Variants in CCDC82 observed in about 807,000 individuals in gnomAD.
CCDC82 encodes the protein coiled-coil domain containing 82.
CCDC82 carries 47 observed loss-of-function variants against 60.6 expected under a neutral mutation model. The observed-to-expected ratio is 0.77, with a 90% CI of 0.61 to 0.99. The LOEUF is 0.99. Ranked by LOEUF, CCDC82 falls within the 50% of genes least tolerant of loss-of-function variation. The pLI is 0.00. For missense variants in CCDC82, 588 were observed against 633.0 expected (o/e 0.93, Z 0.76); for synonymous variants, 212 against 207.4 (o/e 1.02, Z -0.19).
intron 5 of CCDC82, among the ~76,000 whole-genome samples, chr11:96,376,532 A>G (rs1865586093): frequency 6.6e-6 from 1 of 151,124 alleles, no homozygotes; most frequent in African/African-American, 2.4e-5. Flanking sequence ...GGTTCAAGCG[A>G]TTCTCTTGCC....
intron 9 of CCDC82, chr11:96,358,301 T>C (rs1456366939): frequency 1.7e-6 from 2 of 1,165,904 alleles, no homozygotes; most frequent in East Asian, 3.9e-5. Flanking sequence ...ATTCTTTCCA[T>C]ATACCATAAA....
chr11:96,366,420 T>A (rs1864951415), intron 7 of CCDC82, among the ~76,000 whole-genome samples: 1 of 152,218 alleles, frequency 6.6e-6, no homozygotes, highest in Non-Finnish European at 1.5e-5. Context: ...CAACATCAGA[T>A]TATCCAAATT....
At position 96,365,054 on chromosome 11, in the gene CCDC82, A is replaced by C. The variant is rs1369866170; in HGVS notation, c.1306T>G (p.Ser436Ala). 2 of 1,610,026 alleles carry C rather than the reference A, an allele frequency of 1.2e-6. No individual in the cohort carries two copies. The highest frequency in any genetic ancestry group is 1.7e-6 in the Non-Finnish European group (2 of 1,177,858). Residue 436 changes from serine (S) to alanine (A), a missense_variant, in exon 8 of 10, where the codon TCA (serine) becomes GCA (alanine). Physicochemically the swap from Ser to Ala is moderately conservative, Grantham distance 99 (BLOSUM62 1). Coordinates refer to ENST00000646818, the MANE Select transcript of CCDC82 (RefSeq NM_024725.4). The part of the protein sequence containing the change: ...ACGLHRYCKY[S>A]VHLSGELYNT... The stretch of plus-strand genomic sequence containing the variant: ...TACAACTCTCCTGATAAATGCACTG[A>C]ATATTTACAGTAGCGATGCAGTCCA...
At position 96,353,368 on chromosome 11, in the gene CCDC82, T is replaced by A. The variant is rs946531431; in HGVS notation, c.*278A>T. On this transcript the variant is annotated 3_prime_UTR_variant, in exon 10 of 10. Coordinates refer to ENST00000646818, the MANE Select transcript of CCDC82 (RefSeq NM_024725.4). The stretch of plus-strand genomic sequence containing the variant: ...AACTGACAGGATATCAACAGCTCAT[T>A]CACTTGACAGTCATCTGTTATAAAG... The A allele has an allele frequency of 7.0e-6, 2 of 286,530 alleles. No individual in the cohort carries two copies. The allele number at this position is 286,530 out of a possible 1,614,324, so 17.7% of individuals were successfully genotyped here. A position where few individuals can be genotyped will look rare whatever the true frequency, so the allele number is the denominator to read the frequency against.
chr11:96,356,177 T>A (rs1298385610), intron 9 of CCDC82: 1 of 152,304 alleles, frequency 6.6e-6, no homozygotes, highest in Non-Finnish European at 1.5e-5. Flanking sequence ...TATACACTTT[T>A]CAAAAACTTC....
At chr11:96,353,943 A>G in intron 9 of CCDC82, 1 of 344,996 alleles carries the variant, frequency 2.9e-6, no homozygotes, top group Non-Finnish European at 5.2e-6. Context: ...AATATTATTA[A>G]TTTTATAACT....
At chr11:96,376,188 C>T (rs1360299221) in intron 5 of CCDC82, among the ~76,000 whole-genome samples, 1 of 152,128 alleles carries the variant, frequency 6.6e-6, no homozygotes, top group Non-Finnish European at 1.5e-5. Flanking sequence ...TCCTTTATCA[C>T]ATACTAATTT....
chr11:96,354,120 G>C (rs1864228284), intron 9 of CCDC82: 1 of 158,870 alleles, frequency 6.3e-6, no homozygotes, highest in South Asian at 1.9e-4. Context: ...GGAGAATACA[G>C]TTCAGTAGTA....
intron 9 of CCDC82, chr11:96,356,577 TTAGAA>T (rs1404533131): frequency 2.0e-6 from 2 of 984,832 alleles, no homozygotes; most frequent in Non-Finnish European, 2.4e-6. Context: ...CAAATATTCG[TTAGAA>T]TTTTGCCAGT....
intron 9 of CCDC82, chr11:96,355,648 T>C (rs570756854): frequency 6.6e-6 from 1 of 152,210 alleles, no homozygotes; most frequent in Non-Finnish European, 1.5e-5. Context: ...TTTTAACCAG[T>C]TTAGAGTATG....
intron 7 of CCDC82, among the ~76,000 whole-genome samples, chr11:96,365,564 A>G (rs1397531367): frequency 1.3e-5 from 2 of 152,218 alleles, no homozygotes; most frequent in Non-Finnish European, 2.9e-5. Flanking sequence ...ACTTTCCATT[A>G]TATGAATTAT....
rs745747688 is a variant in CCDC82 at position 96,383,334 on chromosome 11, T to C, written c.926A>G (p.Asn309Ser). Residue 309 changes from asparagine to serine, a missense_variant, in exon 5 of 10, where the codon AAT becomes AGT. Transcript: ENST00000646818. ...CAATTTTTCTCCTTGTTGGTTTTTA[T>C]TCTCTTCATCACCCTCCTCATCTTG... ...VVQDEEGDEE[N>S]KNQQGEKLTT... 2.5e-6 allele frequency: 4 copies of C among 1,608,086 alleles called. No homozygotes were observed. The highest frequency in any genetic ancestry group is 2.2e-5 in the South Asian group (2 of 90,774).
intron 9 of CCDC82, chr11:96,355,225 A>C (rs1294246358): frequency 3.3e-5 from 5 of 152,138 alleles, no homozygotes; most frequent in African/African-American, 1.2e-4. Context: ...AAAATTAAAA[A>C]TTAAAAAAAT....
In CCDC82 at chr11:96,365,078, C is replaced by G. The variant is rs1347905901; in HGVS notation, c.1282G>C (p.Gly428Arg). The change falls in exon 8 of 10, where the codon GGA becomes CGA. Residue 428 changes from glycine (G) to arginine (R), a missense_variant. By Grantham distance (125) the Gly-to-Arg change is moderately radical. Coordinates refer to ENST00000646818, the MANE Select transcript of CCDC82 (RefSeq NM_024725.4). ...GAATATTTACAGTAGCGATGCAGTC[C>G]ACAAGCCTGGCAGGAACAGTTTTCA... ...NPENCSCQAC[G>R]LHRYCKYSVH... 6 of 1,608,184 alleles carry G rather than the reference C, an allele frequency of 3.7e-6. No homozygotes were observed. Among genetic ancestry groups the G allele is most frequent in the African/African-American group, 1.3e-5 (1 of 74,788 alleles).
In CCDC82 at chr11:96,354,864, G is replaced by A. The variant is rs1343589862; in HGVS notation, c.1567-1150C>T. The A allele has an allele frequency of 3.3e-5, 5 of 152,188 alleles. No individual in the cohort carries two copies. The East Asian group carries it at 7.7e-4, about 23-fold the overall frequency. 9.4% of individuals were successfully genotyped at this position (152,188 alleles called of 1,614,324 possible). ...TATGAACTGTGTTTTAATCTTCAGT[G>A]AAATGAGAGAGGATCCTGGTGACCC... is the stretch of plus-strand genomic sequence containing the variant. On this transcript the variant is annotated intron_variant, in intron 9 of 9. Coordinates refer to ENST00000646818, the MANE Select transcript of CCDC82 (RefSeq NM_024725.4).
intron 9 of CCDC82, chr11:96,358,363 CT>C (rs1864454185): frequency 8.2e-7 from 1 of 1,217,622 alleles, no homozygotes; most frequent in Non-Finnish European, 1.0e-6. Flanking sequence ...GCCAGCAGAT[CT>C]TCGGGAATCC....
intron 1 of CCDC82, chr11:96,387,820 G>A (rs1427797086): frequency 6.6e-6 from 1 of 152,120 alleles, no homozygotes; most frequent in African/African-American, 2.4e-5. Flanking sequence ...TATCCACCAG[G>A]CAAGAAAAGA....
At chr11:96,353,963 A>T (rs1308181689) in intron 9 of CCDC82, 5 of 293,942 alleles carry the variant, frequency 1.7e-5, no homozygotes, top group Non-Finnish European at 3.1e-5. Context: ...TGTGTTTTAA[A>T]TTATAATTTT....
chr11:96,371,190 A>C, intron 6 of CCDC82, 53 bp from the exon 7 acceptor site: 2 of 1,295,568 alleles, frequency 1.5e-6, no homozygotes, highest in South Asian at 1.8e-5. Context: ...AGAAATATTT[A>C]AACTATTTAA....
Sources: allele counts gnomAD v4.1 joint callset (sites outside exome capture counted in the v4.1 genomes callset), GRCh38; gene constraint gnomAD v4.1.1; transcripts MANE v1.5; gene names NCBI Gene and HGNC (gene_info 2026-07-23, HGNC 2026-07-21).